The following PHACTR3 variants were observed in gnomAD, a reference collection of about 807,000 sequenced individuals.
PHACTR3 encodes protein phosphatase 1, regulatory subunit 123.
A neutral mutation model predicts 66.8 loss-of-function variants in PHACTR3; 16 were observed. The observed-to-expected ratio is 0.24, with a 90% CI of 0.16 to 0.36. The LOEUF (loss-of-function observed/expected upper bound fraction) is 0.36. Among genes scored for constraint, PHACTR3 ranks in the 10% least tolerant of loss-of-function variants. PHACTR3 has a pLI of 1.00. For missense variants in PHACTR3, 647 were observed against 719.9 expected (o/e 0.90, Z 1.16); for synonymous variants, 323 against 292.1 (o/e 1.11, Z -1.08).
intron 1 of PHACTR3, among the ~76,000 whole-genome samples, chr20:59,666,258 G>C (rs2035982157): frequency 6.6e-6 from 1 of 152,202 alleles, no homozygotes; most frequent in African/African-American, 2.4e-5. Flanking sequence ...TCTCCTCCCT[G>C]CGCCACATCT....
At chr20:59,615,951 G>A (rs1027338528) in intron 1 of PHACTR3, among the ~76,000 whole-genome samples, 7 of 152,138 alleles carry the variant, frequency 4.6e-5, no homozygotes, top group African/African-American at 1.7e-4. Context: ...TGGGCTCCTG[G>A]AGTCAGAATC....
At chr20:59,665,603 G>A (rs571895095) in intron 1 of PHACTR3, among the ~76,000 whole-genome samples, 12 of 152,210 alleles carry the variant, frequency 7.9e-5, no homozygotes, top group Admixed American at 5.9e-4. Context: ...GGTGGAGTTC[G>A]AGGGAGTGAT....
intron 1 of PHACTR3, among the ~76,000 whole-genome samples, chr20:59,622,582 G>A (rs962326574): frequency 6.6e-6 from 1 of 152,194 alleles, no homozygotes; most frequent in Non-Finnish European, 1.5e-5. Flanking sequence ...AGGCTGCCGT[G>A]TGCCTGCTGC....
At chr20:59,836,354 G>A in intron 8 of PHACTR3, 151 bp from the exon 9 acceptor site, 1 of 619,822 alleles carries the variant, frequency 1.6e-6, no homozygotes, top group Non-Finnish European at 2.7e-6. Context: ...TTGCCAGCAA[G>A]AGGCAACAAC....
At chr20:59,831,260 T>C (rs2042364402) in intron 8 of PHACTR3, among the ~76,000 whole-genome samples, 1 of 152,118 alleles carries the variant, frequency 6.6e-6, no homozygotes, top group South Asian at 2.1e-4. Context: ...TTAATTCCTG[T>C]CTGCATTCCA....
At chr20:59,768,777 A>G (rs928409264) in intron 5 of PHACTR3, among the ~76,000 whole-genome samples, 6 of 152,204 alleles carry the variant, frequency 3.9e-5, no homozygotes, top group Non-Finnish European at 7.3e-5. Context: ...AAATGCTTTC[A>G]GTGGGGCATT....
chr20:59,845,296 C>T (rs747813365), intron 12 of PHACTR3, 31 bp downstream of exon 12: 1 of 1,466,120 alleles, frequency 6.8e-7, no homozygotes, highest in South Asian at 1.2e-5. Flanking sequence ...TTTCATGGTA[C>T]TTATTTTTGA....
chr20:59,674,262 G>A (rs1412808444), intron 1 of PHACTR3, among the ~76,000 whole-genome samples: 1 of 150,614 alleles, frequency 6.6e-6, no homozygotes, highest in Non-Finnish European at 1.5e-5. Flanking sequence ...GTGGACTAAC[G>A]CCCCCAGAAT....
chr20:59,731,141 TCA>T (rs1226362665), intron 1 of PHACTR3, among the ~76,000 whole-genome samples: 2 of 152,234 alleles, frequency 1.3e-5, no homozygotes, highest in East Asian at 3.8e-4. Context: ...GGGTTGGAAC[TCA>T]GACTTTGAAG....
chr20:59,738,000 G>T (rs894421262), intron 1 of PHACTR3, among the ~76,000 whole-genome samples: 1 of 152,154 alleles, frequency 6.6e-6, no homozygotes, highest in African/African-American at 2.4e-5. Flanking sequence ...GGGCAGAAGT[G>T]GGGGGAGGCA....
chr20:59,744,474 G>C (rs1039605406), intron 2 of PHACTR3, among the ~76,000 whole-genome samples: 10 of 152,204 alleles, frequency 6.6e-5, no homozygotes, highest in African/African-American at 2.4e-4. Flanking sequence ...GCCCTGGCGA[G>C]TGCCCGTCTC....
intron 1 of PHACTR3, among the ~76,000 whole-genome samples, chr20:59,720,909 C>T (rs1316024899): frequency 6.6e-6 from 1 of 152,000 alleles, no homozygotes; most frequent in Non-Finnish European, 1.5e-5. Flanking sequence ...GAGTGATTTT[C>T]ACCCAGGATT....
intron 3 of PHACTR3, among the ~76,000 whole-genome samples, chr20:59,750,995 T>C (rs1048872876): frequency 5.3e-5 from 8 of 152,350 alleles, no homozygotes; most frequent in African/African-American, 1.9e-4. Context: ...CTAATCCTCC[T>C]GGTGCTGGGT....
intron 1 of PHACTR3, among the ~76,000 whole-genome samples, chr20:59,629,401 C>G (rs554308439): frequency 5.2e-4 from 79 of 152,376 alleles, no homozygotes; most frequent in Non-Finnish European, 8.7e-4. Flanking sequence ...AGCTCATCTC[C>G]TGTGGCTGCC....
chr20:59,668,290 G>A lies in PHACTR3; in HGVS notation c.118+63158G>A, dbSNP rs188938380. On this transcript the variant is annotated intron_variant, in intron 1 of 12. Coordinates refer to ENST00000371015, the MANE Select transcript of PHACTR3 (RefSeq NM_080672.5). ...TAGAGGTGGGCACGTACACCTGTACGGGGTTAGAGGTGGACATATACGCCT... is the reference window on the plus strand; with the variant it reads ...TAGAGGTGGGCACGTACACCTGTACAGGGTTAGAGGTGGACATATACGCCT... Among the ~76,000 whole-genome samples the A allele has an allele frequency of 2.2e-3, 326 of 151,556 alleles. 1 individual carries two copies. Among genetic ancestry groups the A allele is most frequent in the Middle Eastern group, 3.4e-3 (1 of 292 alleles).
intron 1 of PHACTR3, among the ~76,000 whole-genome samples, chr20:59,635,149 T>TTCTTTCTTTCTTTTTCTTTC: frequency 1.7e-5 from 1 of 60,412 alleles, no homozygotes; most frequent in East Asian, 7.4e-4. Flanking sequence ...CTTTCTTTCT[T>TTCTTTCTTTCTTTTTCTTTC]TTTCTTTCTT....
In PHACTR3 at chr20:59,662,105, C is replaced by T. The variant is rs372134327; in HGVS notation, c.118+56973C>T. ...TCATTCATTCCTTCATTTATTCTGT[C>T]ACCCCAAATCTGTCTGCATCTACTG... On this transcript the variant is annotated intron_variant, in intron 1 of 12. Coordinates refer to ENST00000371015, the MANE Select transcript of PHACTR3 (RefSeq NM_080672.5). Among the ~76,000 whole-genome samples the T allele has an allele frequency of 1.6e-4, 24 of 152,298 alleles. No individual in the cohort carries two copies. In the East Asian group the frequency reaches 4.6e-3, roughly 29 times the overall value.
At chr20:59,615,780 G>A (rs1355738734) in intron 1 of PHACTR3, among the ~76,000 whole-genome samples, 1 of 152,194 alleles carries the variant, frequency 6.6e-6, no homozygotes, top group East Asian at 1.9e-4. Flanking sequence ...CACTTATGCT[G>A]ATTCTGTTAG....
intron 1 of PHACTR3, among the ~76,000 whole-genome samples, chr20:59,716,979 G>C (rs1287129849): frequency 6.6e-6 from 1 of 152,110 alleles, no homozygotes; most frequent in Non-Finnish European, 1.5e-5. Flanking sequence ...TGCTCTCTTA[G>C]TGTTAGTAAA....
Sources: gnomAD v4.1 joint callset for allele counts (sites outside exome capture counted in the v4.1 genomes callset) on GRCh38, gnomAD v4.1.1 for gene constraint, MANE v1.5 for transcripts, NCBI Gene and HGNC (gene_info 2026-07-23, HGNC 2026-07-21) for gene names.